The following ACTR3 variants were observed in gnomAD, a reference collection of about 807,000 sequenced individuals.
ACTR3 encodes the protein actin-related protein 3.
ACTR3 carries 12 observed loss-of-function variants against 56.8 expected under a neutral mutation model. The observed-to-expected ratio is 0.21, with a 90% CI of 0.14 to 0.34. ACTR3 has a LOEUF of 0.34. ACTR3 is among the 10% of genes least tolerant of loss of function. The pLI is 1.00. For synonymous variants in ACTR3, 162 were observed against 167.4 expected (o/e 0.97, Z 0.25); for missense variants, 282 against 512.5 (o/e 0.55, Z 4.34).
At chr2:113,951,409 G>A in intron 8 of ACTR3, 70 bp from the exon 9 acceptor site, 1 of 1,102,156 alleles carries the variant, frequency 9.1e-7, no homozygotes, top group Non-Finnish European at 1.3e-6. Context: ...TGAAAACTTT[G>A]TTTAACCTTT....
intron 3 of ACTR3, among the ~76,000 whole-genome samples, chr2:113,926,165 A>C (rs1679616428): frequency 6.6e-6 from 1 of 152,148 alleles, no homozygotes; most frequent in South Asian, 2.1e-4. Context: ...TGCCACCCTG[A>C]TTTCTTGTTT....
At chr2:113,957,183 A>G (rs1294815099) in intron 11 of ACTR3, among the ~76,000 whole-genome samples, 177 bp from the exon 12 acceptor site, 2 of 152,212 alleles carry the variant, frequency 1.3e-5, no homozygotes, top group Admixed American at 1.3e-4. Context: ...AAAGATTTAT[A>G]GCTGATTTTA....
At chr2:113,934,650 G>A (rs888800790) in intron 6 of ACTR3, 3 of 232,428 alleles carry the variant, frequency 1.3e-5, no homozygotes, top group Non-Finnish European at 1.6e-5. Flanking sequence ...CTTTCATTCT[G>A]TTTTCCAGTT....
intron 4 of ACTR3, among the ~76,000 whole-genome samples, chr2:113,927,718 C>T (rs1481116308): frequency 2.6e-5 from 4 of 152,016 alleles, no homozygotes; most frequent in Non-Finnish European, 2.9e-5. Flanking sequence ...AAGTAATGTT[C>T]AGAAAAATGT....
rs534526310 is a variant in ACTR3, at chr2:113,893,266, ATG to A, written c.44+2947_44+2948del. 4.6e-5 allele frequency among the ~76,000 whole-genome samples: 7 copies of A among 150,826 alleles called. No individual in the cohort carries two copies. The South Asian group carries it at 1.5e-3, about 32-fold the overall frequency. On this transcript the variant is annotated intron_variant, in intron 1 of 11. Coordinates refer to ENST00000263238, the MANE Select transcript of ACTR3 (RefSeq NM_005721.5). ...GGCGGTGGAAGGGATCGTTTTTTAA[ATG>A]TGTTTTTTGCTTTTTGTTTTTTTGT... is the stretch of plus-strand genomic sequence containing the variant.
chr2:113,903,559 C>T (rs1679139771), intron 1 of ACTR3, among the ~76,000 whole-genome samples: 3 of 145,646 alleles, frequency 2.1e-5, no homozygotes, highest in South Asian at 4.3e-4. Flanking sequence ...TTTTTTGAGA[C>T]GGAGTCTCGC....
At chr2:113,935,880 T>G (rs1679815759) in intron 6 of ACTR3, among the ~76,000 whole-genome samples, 1 of 152,174 alleles carries the variant, frequency 6.6e-6, no homozygotes, top group South Asian at 2.1e-4. Context: ...CTTTCTTCAG[T>G]CTTTTCTTAA....
chr2:113,940,397 T>A (rs1679902380), intron 7 of ACTR3, among the ~76,000 whole-genome samples: 1 of 150,846 alleles, frequency 6.6e-6, no homozygotes, highest in Non-Finnish European at 1.5e-5. Flanking sequence ...AAATAAATAA[T>A]TATTTCACTA....
intron 8 of ACTR3, among the ~76,000 whole-genome samples, chr2:113,944,780 G>A (rs557836369): frequency 6.6e-6 from 1 of 151,936 alleles, no homozygotes; most frequent in South Asian, 2.1e-4. Context: ...TTGAGGGCTT[G>A]TGAAGAATAA....
chr2:113,905,566 T>C (rs1356356840), intron 1 of ACTR3, among the ~76,000 whole-genome samples: 3 of 152,164 alleles, frequency 2.0e-5, no homozygotes, highest in Admixed American at 2.0e-4. Context: ...ACATTCACAT[T>C]ATTGTCTAAC....
At position 113,903,587 on chromosome 2, in the gene ACTR3, G is replaced by A. The variant is rs1300972694; in HGVS notation, c.45-9585G>A. 2.0e-5 allele frequency among the ~76,000 whole-genome samples: 3 copies of A among 149,972 alleles called. No individual in the cohort carries two copies. The East Asian group carries it at 5.9e-4, about 30-fold the overall frequency. On this transcript the variant is annotated intron_variant, in intron 1 of 11. Coordinates refer to ENST00000263238, the MANE Select transcript of ACTR3 (RefSeq NM_005721.5). ...AGTCTCGCTCCGTTGCTGGGCTAGA[G>A]TGCAGTAGCGCGATCTCGGCTCACT...
In ACTR3 at chr2:113,962,283, G is replaced by A. The variant is rs557185623; in HGVS notation, c.*4828G>A. On this transcript the variant is annotated 3_prime_UTR_variant, in exon 12 of 12. Coordinates refer to ENST00000263238, the MANE Select transcript of ACTR3 (RefSeq NM_005721.5). ...AGCCTTCAGTCATTTCAAAATCTCT[G>A]TAGTGTAAATGATCACAGGCTCTAA... 1 of 152,054 alleles carries A rather than the reference G, an allele frequency of 6.6e-6. No individual in the cohort carries two copies. Among genetic ancestry groups the A allele is most frequent in the Non-Finnish European group, 1.5e-5 (1 of 67,888 alleles). 9.4% of individuals were successfully genotyped at this position (152,054 alleles called of 1,614,324 possible).
chr2:113,940,154 T>C, intron 7 of ACTR3, 52 bp downstream of exon 7: 1 of 1,537,528 alleles, frequency 6.5e-7, no homozygotes, highest in South Asian at 1.3e-5. Context: ...ATCACATTTA[T>C]AACATTAACG....
At chr2:113,925,202 TTTTTTTTTTTG>T (rs1362242126) in intron 3 of ACTR3, among the ~76,000 whole-genome samples, 1 of 148,306 alleles carries the variant, frequency 6.7e-6, no homozygotes, top group African/African-American at 2.5e-5. Context: ...ACCTTTTTTT[TTTTTTTTTTTG>T]GAGACAGAGT....
At chr2:113,916,720 A>C (rs936599909) in intron 2 of ACTR3, among the ~76,000 whole-genome samples, 164 bp from the exon 3 acceptor site, 1 of 152,164 alleles carries the variant, frequency 6.6e-6, no homozygotes, top group African/African-American at 2.4e-5. Context: ...GTGTGAAATG[A>C]ATTTTGTCAC....
rs1205711298 is a variant in ACTR3, at chr2:113,934,282, G to C, written c.436G>C (p.Val146Leu). ...TTCTTCTTTCTTTGTGCTCAAGGCTGTTCTTGCCTTAGCTGCATCTTGGAC... is the reference window on the plus strand; with the variant it reads ...TTCTTCTTTCTTTGTGCTCAAGGCTCTTCTTGCCTTAGCTGCATCTTGGAC... ...VPGLYIAVQA[V>L]LALAASWTSR... Residue 146 changes from valine (V) to leucine (L), a missense_variant, in exon 6 of 12, where the codon GTT becomes CTT. Val to Leu is a conservative substitution (Grantham distance 32). Coordinates refer to ENST00000263238, the MANE Select transcript of ACTR3 (RefSeq NM_005721.5). 2 of 1,543,622 alleles carry C rather than the reference G, an allele frequency of 1.3e-6. No homozygotes were observed. Among genetic ancestry groups the C allele is most frequent in the Non-Finnish European group, 8.7e-7 (1 of 1,148,390 alleles).
At chr2:113,951,384 C>T in intron 8 of ACTR3, 95 bp from the exon 9 acceptor site, 1 of 793,160 alleles carries the variant, frequency 1.3e-6, no homozygotes, top group Non-Finnish European at 2.1e-6. Context: ...TCTAAAAGGC[C>T]TTTTGTTTTT....
At chr2:113,927,242 C>A in intron 3 of ACTR3, 103 bp from the exon 4 acceptor site, 1 of 655,202 alleles carries the variant, frequency 1.5e-6, no homozygotes. Flanking sequence ...TGAATATATC[C>A]TCATCTAATA....
rs374498446 is a variant in ACTR3, at chr2:113,906,628, T to G, written c.45-6544T>G. 2.6e-5 allele frequency among the ~76,000 whole-genome samples: 4 copies of G among 152,218 alleles called. No individual in the cohort carries two copies. The East Asian group carries it at 5.8e-4, about 22-fold the overall frequency. ...TTGTGTTTAGGTCTGTGATCAACTT[T>G]GAGTTAACTTTTGTGTATGGTGTAA... On this transcript the variant is annotated intron_variant, in intron 1 of 11. Coordinates refer to ENST00000263238, the MANE Select transcript of ACTR3 (RefSeq NM_005721.5).
Sources: gnomAD v4.1 joint callset for allele counts (sites outside exome capture counted in the v4.1 genomes callset) on GRCh38, gnomAD v4.1.1 for gene constraint, MANE v1.5 for transcripts, NCBI Gene and HGNC (gene_info 2026-07-23, HGNC 2026-07-21) for gene names.